ETAA1: variants seen among roughly 807,000 people sequenced by gnomAD.
ETAA1 encodes the protein ewing's tumor-associated antigen 1.
Under a neutral mutation model 76.8 loss-of-function variants are expected in ETAA1, and 49 were observed. The observed-to-expected ratio is 0.64, with a 90% CI of 0.51 to 0.81. The LOEUF (loss-of-function observed/expected upper bound fraction) is 0.81. Ranked by LOEUF, ETAA1 falls within the 30% of genes least tolerant of loss-of-function variation. The pLI is 0.00. For missense variants in ETAA1, 1,099 were observed against 1,074.0 expected (o/e 1.02, Z -0.32); for synonymous variants, 373 against 372.2 (o/e 1.00, Z -0.03).
rs756225292 is a variant in ETAA1 at position 67,404,120 on chromosome 2, A to G, written c.1438A>G (p.Lys480Glu). 1.3e-6 allele frequency: 2 copies of G among 1,589,954 alleles called. No individual in the cohort carries two copies. The highest frequency in any genetic ancestry group is 4.5e-5 in the East Asian group (2 of 44,676). ...SNKLSTGNKM[K>E]FENSSNKIVI... ...CAAATTATCCACTGGAAATAAAATG[A>G]AATTTGAGAACTCTTCCAATAAAAT... Residue 480 changes from lysine to glutamate, a missense_variant, in exon 5 of 6, where the codon AAA becomes GAA. This residue lies in a region of ETAA1 where 761 missense variants were observed against 731.9 expected (regional missense o/e 1.04). Coordinates refer to ENST00000272342, the MANE Select transcript of ETAA1 (RefSeq NM_019002.4).
At position 67,397,391 on chromosome 2, in the gene ETAA1, A is replaced by C; in HGVS notation, c.-58A>C. ...GTGCGGTTTGTAGTGCTGTTGCCCT[A>C]CTCATCCCTTTGCAAAATGTGAAAG... is the stretch of plus-strand genomic sequence containing the variant. On this transcript the variant is annotated 5_prime_UTR_variant, in exon 1 of 6. Transcript: ENST00000272342. 2.0e-6 allele frequency: 3 copies of C among 1,516,484 alleles called. No homozygotes were observed. The highest frequency in any genetic ancestry group is 2.7e-6 in the Non-Finnish European group (3 of 1,116,002). 93.9% of individuals were successfully genotyped at this position (1,516,484 alleles called of 1,614,324 possible). A position where few individuals can be genotyped will look rare whatever the true frequency, so the allele number is the denominator to read the frequency against.
chr2:67,402,684 A>T (rs1226692104), intron 3 of ETAA1, 178 bp from the exon 4 acceptor site: 2 of 321,652 alleles, frequency 6.2e-6, no homozygotes, highest in Non-Finnish European at 1.1e-5. Flanking sequence ...GTAGCTTATT[A>T]TTGCTATCTC....
At chr2:67,407,888 A>C (rs149877174) in intron 5 of ETAA1, among the ~76,000 whole-genome samples, 2 of 152,190 alleles carry the variant, frequency 1.3e-5, no homozygotes, top group East Asian at 1.9e-4. Context: ...TCAGATGCAG[A>C]AAACAACCTA....
rs1457839121 is a variant in ETAA1 at position 67,404,082 on chromosome 2, C to T, written c.1400C>T (p.Ser467Leu). ...IDAEYRFSPNSNKSNKLSTGN... is the reference protein window; with the variant it reads ...IDAEYRFSPNLNKSNKLSTGN... ...GCAGAATATAGATTTTCACCAAATT[C>T]AAATAAATCAAACAAATTATCCACT... The change falls in exon 5 of 6, where the codon TCA (serine) becomes TTA (leucine). Residue 467 changes from serine to leucine, a missense_variant. Ser to Leu is a moderately radical substitution (Grantham distance 145). Around this residue, in one of 3 missense-constraint regions of ETAA1, gnomAD observed 761 missense variants for 731.9 expected, o/e 1.04. Coordinates refer to ENST00000272342, the MANE Select transcript of ETAA1 (RefSeq NM_019002.4). The T allele has an allele frequency of 4.4e-6, 7 of 1,595,480 alleles. No homozygotes were observed. The highest frequency in any genetic ancestry group is 5.1e-6 in the Non-Finnish European group (6 of 1,173,190).
chr2:67,407,130 A>G (rs1676241980), intron 5 of ETAA1, among the ~76,000 whole-genome samples: 1 of 152,082 alleles, frequency 6.6e-6, no homozygotes, highest in Admixed American at 6.5e-5. Context: ...CAAAACTTAC[A>G]GTAAATAATT....
At chr2:67,409,459 T>C (rs1676307458) in intron 5 of ETAA1, among the ~76,000 whole-genome samples, 1 of 152,040 alleles carries the variant, frequency 6.6e-6, no homozygotes, top group Non-Finnish European at 1.5e-5. Flanking sequence ...ATGTGAATAT[T>C]AATATAACAT....
chr2:67,399,331 A>G (rs1191783826), intron 2 of ETAA1, 34 bp downstream of exon 2: 3 of 1,552,656 alleles, frequency 1.9e-6, no homozygotes, highest in Non-Finnish European at 1.8e-6. Context: ...ATGTGAGTAA[A>G]TATTTGATAA....
chr2:67,397,928 G>C (rs979205728), intron 1 of ETAA1, among the ~76,000 whole-genome samples: 1 of 152,184 alleles, frequency 6.6e-6, no homozygotes, highest in East Asian at 1.9e-4. Context: ...ACCTGTTTGC[G>C]GGAGGGCGGC....
chr2:67,404,177 G>C lies in ETAA1; in HGVS notation c.1495G>C (p.Val499Leu). The C allele has an allele frequency of 6.2e-7, 1 of 1,605,110 alleles. No homozygotes were observed. ...TCAAGACGAAATTCAAAATTGTATA[G>C]TTACATCTAATCTGACAAAAATAAA... is the stretch of plus-strand genomic sequence containing the variant. ...VIQDEIQNCI[V>L]TSNLTKIKED... Residue 499 changes from valine (V) to leucine (L), a missense_variant, in exon 5 of 6, where the codon GTT becomes CTT. Physicochemically the swap from Val to Leu is conservative, Grantham distance 32 (BLOSUM62 1). Coordinates refer to ENST00000272342, the MANE Select transcript of ETAA1 (RefSeq NM_019002.4).
At chr2:67,409,874 C>T in intron 5 of ETAA1, 37 bp from the exon 6 acceptor site, 2 of 1,565,180 alleles carry the variant, frequency 1.3e-6, no homozygotes, top group South Asian at 1.2e-5. Flanking sequence ...ACTTTATAGG[C>T]TATAAAAGTA....
chr2:67,409,671 T>A (rs945680034), intron 5 of ETAA1, among the ~76,000 whole-genome samples: 1 of 151,996 alleles, frequency 6.6e-6, no homozygotes, highest in East Asian at 1.9e-4. Flanking sequence ...AAACTGAATT[T>A]TATCACACTG....
intron 5 of ETAA1, among the ~76,000 whole-genome samples, chr2:67,408,272 CTTGT>C (rs1237713436): frequency 6.6e-6 from 1 of 151,994 alleles, no homozygotes; most frequent in African/African-American, 2.4e-5. Context: ...CAGCCTGCAG[CTTGT>C]TTATGTATAG....
chr2:67,402,972 A>G lies in ETAA1; in HGVS notation c.540A>G (p.Thr180=). The G allele has an allele frequency of 1.3e-6, 2 of 1,596,994 alleles. No individual in the cohort carries two copies. Among genetic ancestry groups the G allele is most frequent in the East Asian group, 4.5e-5 (2 of 44,138 alleles). The part of the protein sequence containing the change: ...KGKSRAKISC[T]KLKTQSQEEE... ...AATCAAGAGCAAAAATCAGCTGCAC[A>G]AAGTAAGTTAAGACTTTTCAGCTTT... The change falls in exon 4 of 6, where the codon ACA becomes ACG. Residue 180 remains threonine (T), a splice_region_variant and synonymous_variant. Coordinates refer to ENST00000272342, the MANE Select transcript of ETAA1 (RefSeq NM_019002.4).
chr2:67,410,129 G>A lies in ETAA1; in HGVS notation c.*91G>A. On this transcript the variant is annotated 3_prime_UTR_variant, in exon 6 of 6. Transcript: ENST00000272342. ...TTTTCTTGATTTCTCTGTGAGAAAT[G>A]TAATGCTGACTTTTATAAAGCCTGG... is the stretch of plus-strand genomic sequence containing the variant. 2 of 1,175,246 alleles carry A rather than the reference G, an allele frequency of 1.7e-6. No individual in the cohort carries two copies. Among genetic ancestry groups the A allele is most frequent in the South Asian group, 1.4e-5 (1 of 70,926 alleles). 72.8% of individuals were successfully genotyped at this position (1,175,246 alleles called of 1,614,324 possible). A position where few individuals can be genotyped will look rare whatever the true frequency, so the allele number is the denominator to read the frequency against.
At chr2:67,402,739 G>T in intron 3 of ETAA1, 123 bp from the exon 4 acceptor site, 1 of 544,230 alleles carries the variant, frequency 1.8e-6, no homozygotes, top group Non-Finnish European at 2.9e-6. Context: ...TACCTCACCA[G>T]AATTTAGGAA....
chr2:67,403,195 T>G lies in ETAA1; in HGVS notation c.543-30T>G. ...AGTTGGATATAATGTTTCAGAACAT[T>G]TTTAGTTATTTTTTAATCTTGTTTA... On this transcript the variant is annotated intron_variant, in intron 4 of 5. Transcript: ENST00000272342. 4.3e-6 allele frequency: 6 copies of G among 1,406,856 alleles called. No homozygotes were observed. In the South Asian group the frequency reaches 8.7e-5, roughly 21 times the overall value. 87.1% of individuals were successfully genotyped at this position (1,406,856 alleles called of 1,614,324 possible). A position where few individuals can be genotyped will look rare whatever the true frequency, so the allele number is the denominator to read the frequency against.
rs200351235 is a variant in ETAA1 at position 67,404,286 on chromosome 2, A to C, written c.1604A>C (p.Lys535Thr). 9 of 1,612,194 alleles carry C rather than the reference A, an allele frequency of 5.6e-6. No homozygotes were observed. In the East Asian group the frequency reaches 2.0e-4, roughly 36 times the overall value. The change falls in exon 5 of 6, where the codon AAG (lysine) becomes ACG (threonine). Residue 535 changes from lysine to threonine, a missense_variant. Lys to Thr is a moderately conservative substitution (Grantham distance 78). Coordinates refer to ENST00000272342, the MANE Select transcript of ETAA1 (RefSeq NM_019002.4). ...AGGTATTCTAATGAACAGAAAAATA[A>C]GTGCATTTTAAATCAGTCTATTAAA... ...NTRYSNEQKN[K>T]CILNQSIKAP...
intron 2 of ETAA1, 31 bp downstream of exon 2, chr2:67,399,328 T>C (rs779222859): frequency 5.1e-6 from 8 of 1,559,226 alleles, no homozygotes; most frequent in Non-Finnish European, 7.0e-6. Flanking sequence ...TTTATGTGAG[T>C]AAATATTTGA....
rs1303028044 is a variant in ETAA1 at position 67,404,761 on chromosome 2, G to A, written c.2079G>A (p.Lys693=). The A allele has an allele frequency of 1.2e-6, 2 of 1,613,390 alleles. No homozygotes were observed. The highest frequency in any genetic ancestry group is 4.5e-5 in the East Asian group (2 of 44,822). The change falls in exon 5 of 6, where the codon AAG becomes AAA. Residue 693 remains lysine, a synonymous_variant. Coordinates refer to ENST00000272342, the MANE Select transcript of ETAA1 (RefSeq NM_019002.4). ...SKQGSNLVQS[K]HLNPGSISVQ... ...AAGGAAGTAATTTGGTACAATCAAA[G>A]CATTTGAATCCAGGCAGCATTTCAG...
Sources: allele counts gnomAD v4.1 joint callset (sites outside exome capture counted in the v4.1 genomes callset), GRCh38; gene constraint gnomAD v4.1.1; regional missense constraint gnomAD v4.1.1; transcripts MANE v1.5; gene names NCBI Gene and HGNC (gene_info 2026-07-23, HGNC 2026-07-21).